KIF6: variants seen among roughly 807,000 people sequenced by gnomAD.
KIF6 encodes the protein kinesin-like protein KIF6.
A neutral mutation model predicts 112.7 loss-of-function variants in KIF6; 106 were observed. That is an observed-to-expected ratio of 0.94 (90% CI 0.80 to 1.11). KIF6 has a LOEUF of 1.11. KIF6 is among the 50% of genes least tolerant of loss of function. KIF6 has a pLI of 0.00. For missense variants in KIF6, 929 were observed against 964.0 expected (o/e 0.96, Z 0.48); for synonymous variants, 339 against 339.9 (o/e 1.00, Z 0.03).
At chr6:39,526,839 A>T (rs893591117) in intron 13 of KIF6, among the ~76,000 whole-genome samples, 1 of 152,216 alleles carries the variant, frequency 6.6e-6, no homozygotes, top group South Asian at 2.1e-4. Context: ...GGAAATGCAA[A>T]GATCAAAGTG....
chr6:39,452,325 T>G (rs569713751), intron 13 of KIF6, among the ~76,000 whole-genome samples: 38 of 152,326 alleles, frequency 2.5e-4, no homozygotes, highest in Non-Finnish European at 4.3e-4. Context: ...TGGTGAAAAA[T>G]GTTCACTGGC....
chr6:39,390,232 G>A (rs1767766148), intron 15 of KIF6, among the ~76,000 whole-genome samples: 1 of 152,116 alleles, frequency 6.6e-6, no homozygotes, highest in Admixed American at 6.6e-5. Context: ...AGAGGAGCAA[G>A]GGATAACGCA....
At chr6:39,427,226 C>T (rs1358749340) in intron 14 of KIF6, among the ~76,000 whole-genome samples, 7 of 152,092 alleles carry the variant, frequency 4.6e-5, no homozygotes, top group Non-Finnish European at 7.3e-5. Context: ...CCACATGAGT[C>T]CTTCCTGTCA....
intron 19 of KIF6, 39 bp from the exon 20 acceptor site, chr6:39,346,565 C>G (rs1359058217): frequency 1.5e-6 from 1 of 682,000 alleles, no homozygotes; most frequent in Non-Finnish European, 2.7e-6. Context: ...GCCACTCAGT[C>G]TATAGTATTT....
At chr6:39,352,638 C>T (rs934507353) in intron 19 of KIF6, among the ~76,000 whole-genome samples, 7 of 144,248 alleles carry the variant, frequency 4.9e-5, no homozygotes, top group Non-Finnish European at 7.4e-5. Context: ...GAGTCTTGCT[C>T]TGTCACCCAG....
intron 5 of KIF6, among the ~76,000 whole-genome samples, chr6:39,631,400 C>T (rs1302059147): frequency 6.6e-6 from 1 of 152,068 alleles, no homozygotes; most frequent in Non-Finnish European, 1.5e-5. Context: ...TTCACCTTTA[C>T]ACATTTGTTA....
chr6:39,360,927 G>A (rs1047322907), intron 17 of KIF6, among the ~76,000 whole-genome samples: 4 of 152,168 alleles, frequency 2.6e-5, no homozygotes, highest in South Asian at 2.1e-4. Flanking sequence ...TTACAGATTC[G>A]GAACCTGAGA....
chr6:39,436,414 G>A (rs1412270552), intron 13 of KIF6, among the ~76,000 whole-genome samples: 1 of 150,708 alleles, frequency 6.6e-6, no homozygotes, highest in East Asian at 1.9e-4. Context: ...TTGCTTTTAG[G>A]GTCTTAGTCA....
chr6:39,456,673 A>G (rs1773133776), intron 13 of KIF6, among the ~76,000 whole-genome samples: 1 of 103,660 alleles, frequency 9.6e-6, no homozygotes, highest in Non-Finnish European at 1.8e-5. Context: ...AGGATGGAGG[A>G]AGATCTACCA....
chr6:39,606,683 A>G (rs1782907134), intron 6 of KIF6, among the ~76,000 whole-genome samples: 1 of 152,180 alleles, frequency 6.6e-6, no homozygotes. Context: ...CCCACTCACC[A>G]AAGGCCATCT....
chr6:39,563,740 A>C (rs897265901), intron 10 of KIF6, among the ~76,000 whole-genome samples: 10 of 152,136 alleles, frequency 6.6e-5, no homozygotes, highest in Non-Finnish European at 1.0e-4. Flanking sequence ...ACATGAAAAA[A>C]ATTTTACAAA....
chr6:39,672,311 G>A (rs1276875883), intron 3 of KIF6, among the ~76,000 whole-genome samples: 1 of 152,096 alleles, frequency 6.6e-6, no homozygotes, highest in Non-Finnish European at 1.5e-5. Flanking sequence ...ATATCAATTA[G>A]CTTATGGTAA....
chr6:39,716,992 C>T (rs544850406), intron 2 of KIF6, among the ~76,000 whole-genome samples: 33 of 152,258 alleles, frequency 2.2e-4, no homozygotes, highest in Admixed American at 9.2e-4. Flanking sequence ...TCAATTATTT[C>T]TCAACATTTC....
At chr6:39,639,478 G>C (rs1283755475) in intron 4 of KIF6, 132 bp downstream of exon 4, 2 of 727,378 alleles carry the variant, frequency 2.7e-6, no homozygotes, top group African/African-American at 3.7e-5. Flanking sequence ...AAAGGTAAAG[G>C]CCAAAGTTAT....
intron 13 of KIF6, among the ~76,000 whole-genome samples, chr6:39,433,953 T>A (rs2150385555): frequency 6.6e-6 from 1 of 152,294 alleles, no homozygotes; most frequent in South Asian, 2.1e-4. Flanking sequence ...TGGGATCAGC[T>A]GCAAAGTTAA....
intron 19 of KIF6, among the ~76,000 whole-genome samples, chr6:39,356,259 T>C (rs945224131): frequency 2.0e-5 from 3 of 151,374 alleles, no homozygotes; most frequent in Admixed American, 6.5e-5. Flanking sequence ...TCATGGGGAC[T>C]GTCTGACACC....
At chr6:39,494,818 CA>C (rs200191454) in intron 13 of KIF6, among the ~76,000 whole-genome samples, 14 of 145,594 alleles carry the variant, frequency 9.6e-5, no homozygotes, top group African/African-American at 2.3e-4. Flanking sequence ...TTTTTACAGA[CA>C]AAAAAAAAGA....
chr6:39,420,146 A>G (rs1175499229), intron 14 of KIF6, 143 bp from the exon 15 acceptor site: 3 of 628,026 alleles, frequency 4.8e-6, no homozygotes, highest in Non-Finnish European at 8.3e-6. Flanking sequence ...AGTAAAATAT[A>G]TTAGGCTTAA....
intron 13 of KIF6, among the ~76,000 whole-genome samples, chr6:39,472,286 A>G (rs1774163218): frequency 6.6e-6 from 1 of 152,020 alleles, no homozygotes; most frequent in African/African-American, 2.4e-5. Flanking sequence ...TTTTCATGCC[A>G]GGCTTCTCTT....
Sources: gnomAD v4.1 joint callset for allele counts (sites outside exome capture counted in the v4.1 genomes callset) on GRCh38, gnomAD v4.1.1 for gene constraint, MANE v1.5 for transcripts, NCBI Gene and HGNC (gene_info 2026-07-23, HGNC 2026-07-21) for gene names.